RBFOX1: variants seen among roughly 807,000 people sequenced by gnomAD.
The protein encoded by RBFOX1 is RNA binding fox-1 homolog 1.
Under a neutral mutation model 57.7 loss-of-function variants are expected in RBFOX1, and 8 were observed. The observed-to-expected ratio is 0.14, with a 90% CI of 0.08 to 0.25. The LOEUF (loss-of-function observed/expected upper bound fraction) is 0.25, where lower values mean the gene tolerates loss of function less well. RBFOX1 is among the 10% of genes least tolerant of loss of function. The pLI is 1.00. For missense variants in RBFOX1, 611 were observed against 548.5 expected (o/e 1.11, Z -1.14); for synonymous variants, 326 against 222.4 (o/e 1.47, Z -4.15).
intron 2 of RBFOX1, among the ~76,000 whole-genome samples, chr16:6,552,053 C>A (rs2097000487): frequency 6.6e-6 from 1 of 152,194 alleles, no homozygotes; most frequent in South Asian, 2.1e-4. Flanking sequence ...ATGCCTCCCA[C>A]CTTTGCTTGG....
chr16:6,195,447 G>A (rs1253483137), intron 1 of RBFOX1, among the ~76,000 whole-genome samples: 1 of 152,236 alleles, frequency 6.6e-6, no homozygotes, highest in Non-Finnish European at 1.5e-5. Flanking sequence ...GCCGGGCGCA[G>A]TGGCTCATGC....
chr16:5,670,852 AT>A (rs1457097881), intron 3 of RBFOX1, among the ~76,000 whole-genome samples: 1 of 152,118 alleles, frequency 6.6e-6, no homozygotes, highest in African/African-American at 2.4e-5. Flanking sequence ...TCAATACATT[AT>A]TTTTTTCATT....
chr16:7,181,169 G>T (rs2082620067), intron 4 of RBFOX1, among the ~76,000 whole-genome samples: 1 of 152,138 alleles, frequency 6.6e-6, no homozygotes, highest in Admixed American at 6.5e-5. Context: ...CGGCCTTGTG[G>T]TTCAAAGACT....
At chr16:6,279,120 A>G (rs2152693616) in intron 1 of RBFOX1, among the ~76,000 whole-genome samples, 1 of 152,288 alleles carries the variant, frequency 6.6e-6, no homozygotes, top group South Asian at 2.1e-4. Flanking sequence ...TCTTAGTGGA[A>G]TTAACTCTGT....
At chr16:6,568,213 T>G (rs2097294524) in intron 2 of RBFOX1, among the ~76,000 whole-genome samples, 1 of 152,196 alleles carries the variant, frequency 6.6e-6, no homozygotes, top group Non-Finnish European at 1.5e-5. Context: ...TCCAGGAATC[T>G]GGGAGTGGCT....
intron 3 of RBFOX1, among the ~76,000 whole-genome samples, chr16:6,671,154 A>G (rs2098762375): frequency 6.6e-6 from 1 of 152,326 alleles, no homozygotes; most frequent in East Asian, 1.9e-4. Context: ...AGTCGAATGG[A>G]AACAAAAGGA....
chr16:6,937,039 G>C (rs987133342), intron 3 of RBFOX1, among the ~76,000 whole-genome samples: 9 of 151,660 alleles, frequency 5.9e-5, no homozygotes, highest in Non-Finnish European at 5.9e-5. Flanking sequence ...ACATGTATAC[G>C]TATGTAACTA....
At chr16:6,990,634 G>C (rs1008173317) in intron 3 of RBFOX1, among the ~76,000 whole-genome samples, 10 of 152,118 alleles carry the variant, frequency 6.6e-5, no homozygotes, top group Non-Finnish European at 1.5e-4. Flanking sequence ...TGGTGCAAAA[G>C]TAATTGTGCT....
chr16:6,864,434 G>A (rs2059558001), intron 3 of RBFOX1, among the ~76,000 whole-genome samples: 1 of 151,708 alleles, frequency 6.6e-6, no homozygotes, highest in Admixed American at 6.6e-5. Context: ...CAACAATTCA[G>A]AAAAGAAATG....
chr16:7,655,336 A>T (rs11647010), intron 12 of RBFOX1, among the ~76,000 whole-genome samples: 12,973 of 152,246 alleles, frequency 0.085, 642 homozygotes, highest in Middle Eastern at 0.15. Context: ...AATTGGGTCA[A>T]CTTTGAGCTT....
chr16:6,708,140 G>T (rs967483430), intron 3 of RBFOX1, among the ~76,000 whole-genome samples: 1 of 152,130 alleles, frequency 6.6e-6, no homozygotes, highest in Non-Finnish European at 1.5e-5. Flanking sequence ...ACCTGGCTTG[G>T]GGAGCGGGGG....
At chr16:6,613,676 A>AT (rs2098101736) in intron 2 of RBFOX1, among the ~76,000 whole-genome samples, 1 of 152,192 alleles carries the variant, frequency 6.6e-6, no homozygotes, top group African/African-American at 2.4e-5. Flanking sequence ...GTGTTATCTC[A>AT]TTTTTTAAAA....
intron 4 of RBFOX1, among the ~76,000 whole-genome samples, chr16:7,251,314 A>C (rs1184987490): frequency 6.6e-6 from 1 of 151,618 alleles, no homozygotes; most frequent in East Asian, 1.9e-4. Context: ...GACATCCTCC[A>C]GGTTCATCCA....
At chr16:7,439,250 C>G (rs1468446576) in intron 4 of RBFOX1, among the ~76,000 whole-genome samples, 2 of 152,124 alleles carry the variant, frequency 1.3e-5, no homozygotes, top group Non-Finnish European at 2.9e-5. Flanking sequence ...ATCATATGAT[C>G]ATGCCCCAGT....
chr16:5,827,417 A>AAAAAG (rs1253057830), intron 3 of RBFOX1, among the ~76,000 whole-genome samples: 5 of 151,566 alleles, frequency 3.3e-5, no homozygotes, highest in Non-Finnish European at 7.4e-5. Context: ...AAAAAAAAAA[A>AAAAAG]AAAAGAAAAG....
intron 2 of RBFOX1, among the ~76,000 whole-genome samples, chr16:6,603,484 A>C (rs2097882306): frequency 6.6e-6 from 1 of 152,196 alleles, no homozygotes; most frequent in Non-Finnish European, 1.5e-5. Flanking sequence ...CTTGCTTTAG[A>C]TCAGAGCCCT....
At chr16:6,526,046 G>A (rs950881865) in intron 2 of RBFOX1, among the ~76,000 whole-genome samples, 1 of 152,178 alleles carries the variant, frequency 6.6e-6, no homozygotes, top group Non-Finnish European at 1.5e-5. Flanking sequence ...CTTGGAAATG[G>A]TGTTCTCATC....
At chr16:6,678,673 A>G (rs4786906) in intron 3 of RBFOX1, among the ~76,000 whole-genome samples, 143,770 of 151,574 alleles carry the variant, frequency 0.95, 68,641 homozygotes, top group South Asian at 1. Flanking sequence ...CACAAGATAC[A>G]CAGAACAAAT....
chr16:6,014,362 T>C (rs1163109531), upstream of RBFOX1, among the ~76,000 whole-genome samples: 1 of 152,186 alleles, frequency 6.6e-6, no homozygotes, highest in Non-Finnish European at 1.5e-5. Flanking sequence ...AAAACTATCA[T>C]GTTTACTATT....
Sources: gnomAD v4.1 joint callset for allele counts (sites outside exome capture counted in the v4.1 genomes callset) on GRCh38, gnomAD v4.1.1 for gene constraint, MANE v1.5 for transcripts, NCBI Gene and HGNC (gene_info 2026-07-23, HGNC 2026-07-21) for gene names.